Variants in DNAAF5 observed in about 807,000 individuals in gnomAD.
DNAAF5 encodes the protein HEAT repeat containing 2.
In DNAAF5, 64 loss-of-function variants were observed where a neutral mutation model predicts 75.8. The observed-to-expected ratio is 0.84, with a 90% CI of 0.69 to 1.04. The LOEUF is 1.04. Ranked by LOEUF, DNAAF5 falls within the 50% of genes least tolerant of loss-of-function variation. The probability of loss-of-function intolerance (pLI) is 0.00; values close to 1 mark genes in which losing one functional copy is unlikely to be tolerated. For missense variants in DNAAF5, 1,269 were observed against 1,178.5 expected (o/e 1.08, Z -1.12); for synonymous variants, 657 against 557.2 (o/e 1.18, Z -2.52).
chr7:776,042 A>G (rs1241197237), intron 11 of DNAAF5, among the ~76,000 whole-genome samples: 1 of 152,206 alleles, frequency 6.6e-6, no homozygotes, highest in African/African-American at 2.4e-5. Flanking sequence ...TTTTATAGAA[A>G]AAAAGCAGAA....
chr7:775,767 C>T (rs1403601787), intron 11 of DNAAF5, among the ~76,000 whole-genome samples: 1 of 152,170 alleles, frequency 6.6e-6, no homozygotes, highest in Non-Finnish European at 1.5e-5. Context: ...AAGGAAGCGT[C>T]GTGTGGACGT....
intron 2 of DNAAF5, among the ~76,000 whole-genome samples, chr7:735,402 C>G (rs907362312): frequency 9.4e-5 from 14 of 148,834 alleles, no homozygotes; most frequent in African/African-American, 3.0e-4. Flanking sequence ...TGGTGTTGTT[C>G]TTCATGGTGT....
At chr7:737,181 C>T (rs7807623) in intron 2 of DNAAF5, among the ~76,000 whole-genome samples, 69,990 of 151,180 alleles carry the variant, frequency 0.46, 16,269 homozygotes, top group African/African-American at 0.49. Context: ...CTGCAACCTC[C>T]GCCTCCCAGG....
intron 6 of DNAAF5, among the ~76,000 whole-genome samples, chr7:759,199 A>G (rs1782572186): frequency 6.6e-6 from 1 of 152,214 alleles, no homozygotes; most frequent in Non-Finnish European, 1.5e-5. Context: ...GTCTTTCAAG[A>G]ACAAACCGAA....
At chr7:774,909 CCCT>C in intron 10 of DNAAF5, 94 bp from the exon 11 acceptor site, 1 of 1,043,742 alleles carries the variant, frequency 9.6e-7, no homozygotes, top group Non-Finnish European at 1.5e-6. Flanking sequence ...CTTTCAAGCC[CCCT>C]AAGTCCTTCC....
rs115860623 is a variant in DNAAF5 at position 768,796 on chromosome 7, G to A, written c.1784-1675G>A. On this transcript the variant is annotated intron_variant, in intron 8 of 12. Transcript: ENST00000297440. ...TTTTCCCATCCCAGGAGTTGGACTT[G>A]ACCTGTGGACATTTGGCTGTTTTCT... 4.0e-3 allele frequency: 975 copies of A among 242,424 alleles called. 12 individuals are homozygous for A. Among genetic ancestry groups the A allele is most frequent in the African/African-American group, 0.02 (920 of 45,736 alleles). The allele number at this position is 242,424 out of a possible 1,614,324, so 15.0% of individuals were successfully genotyped here. A position where few individuals can be genotyped will look rare whatever the true frequency, so the allele number is the denominator to read the frequency against.
Position 754,687 on chromosome 7 carries a change from A to G in DNAAF5, c.1123A>G (p.Thr375Ala), listed in dbSNP as rs1384472802. The G allele has an allele frequency of 1.2e-6, 2 of 1,613,786 alleles. No individual in the cohort carries two copies. The highest frequency in any genetic ancestry group is 1.1e-5 in the South Asian group (1 of 91,082). The change falls in exon 5 of 13, where the codon ACC becomes GCC. Residue 375 changes from threonine to alanine, a missense_variant. Thr to Ala is a moderately conservative substitution (Grantham distance 58). Transcript: ENST00000297440. This position sits in a 1 kb window ranked among gnomAD's most constrained non-coding sequence, Gnocchi z 4.8. ...CGACATCACCGACTGGGTGGTGGGG[A>G]CCCGAGTGAAGTCGGCACAGCTGCT... ...CHDITDWVVG[T>A]RVKSAQLLPV...
At chr7:767,011 A>G (rs35911516) in intron 8 of DNAAF5, among the ~76,000 whole-genome samples, 130,342 of 152,106 alleles carry the variant, frequency 0.86, 56,013 homozygotes, top group Middle Eastern at 0.92. Context: ...AGGCCGAGGC[A>G]GGCAGATCCC....
chr7:730,780 G>A (rs929646335), intron 2 of DNAAF5, among the ~76,000 whole-genome samples: 2 of 147,072 alleles, frequency 1.4e-5, no homozygotes, highest in African/African-American at 5.1e-5. Flanking sequence ...GAGACACAGG[G>A]GGACCCTTTC....
At chr7:767,098 G>C (rs903194519) in intron 8 of DNAAF5, among the ~76,000 whole-genome samples, 1 of 152,128 alleles carries the variant, frequency 6.6e-6, no homozygotes, top group Admixed American at 6.5e-5. Flanking sequence ...AATTAGCTGG[G>C]TGCGGTGGCG....
rs1452514953 is a variant in DNAAF5 at position 761,723 on chromosome 7, A to G, written c.1471-30A>G. 5.1e-6 allele frequency: 8 copies of G among 1,576,540 alleles called. No homozygotes were observed. The Admixed American group carries it at 7.3e-5, about 14-fold the overall frequency. The stretch of plus-strand genomic sequence containing the variant: ...GTGGGGACACGACCAAATTGTACCA[A>G]GCTCTGACGGTGCTGCCGGTCTCTT... On this transcript the variant is annotated intron_variant, in intron 6 of 12. Transcript: ENST00000297440.
At position 781,232 on chromosome 7, in the gene DNAAF5, T is replaced by G. The variant is rs567069731; in HGVS notation, c.2431+1088T>G. 2.0e-3 allele frequency among the ~76,000 whole-genome samples: 304 copies of G among 152,170 alleles called. 1 individual carries two copies. The highest frequency in any genetic ancestry group is 4.0e-3 in the Non-Finnish European group (271 of 68,030). ...ATCCTTCTGCTCTATCTCCATGAGT[T>G]GAATTATTTTTATTTTTAGTTCCCA... On this transcript the variant is annotated intron_variant, in intron 12 of 12. Transcript: ENST00000297440.
At chr7:762,703 T>G (rs1026472929) in intron 7 of DNAAF5, among the ~76,000 whole-genome samples, 13 of 151,804 alleles carry the variant, frequency 8.6e-5, no homozygotes, top group African/African-American at 3.1e-4. Flanking sequence ...AACTTCTGCC[T>G]CCCAGGTTCA....
intron 4 of DNAAF5, among the ~76,000 whole-genome samples, chr7:745,146 T>G (rs989149155): frequency 6.6e-6 from 1 of 152,186 alleles, no homozygotes; most frequent in African/African-American, 2.4e-5. Context: ...AATGAGGAAA[T>G]GCTGCTCCTT....
At chr7:776,330 C>G (rs1359374583) in intron 11 of DNAAF5, among the ~76,000 whole-genome samples, 1 of 151,358 alleles carries the variant, frequency 6.6e-6, no homozygotes, top group Non-Finnish European at 1.5e-5. Flanking sequence ...AGCCAGACTC[C>G]ATCTCAAAAA....
rs781538110 is a variant in DNAAF5 at position 740,897 on chromosome 7, A to G, written c.859A>G (p.Ile287Val). ...CCGTTACTCCTTCTTCCACAAGCTC[A>G]TCCCTCTGCTGCTCAGTAGCCTCAA... ...RDRYSFFHKLIPLLLSSLNDE... is the reference protein window; with the variant it reads ...RDRYSFFHKLVPLLLSSLNDE... Residue 287 changes from isoleucine to valine, a missense_variant, in exon 3 of 13, where the codon ATC becomes GTC. Transcript: ENST00000297440. 12 of 1,613,772 alleles carry G rather than the reference A, an allele frequency of 7.4e-6. No homozygotes were observed. Among genetic ancestry groups the G allele is most frequent in the Non-Finnish European group, 6.8e-6 (8 of 1,179,894 alleles).
intron 6 of DNAAF5, among the ~76,000 whole-genome samples, chr7:761,489 G>C (rs944311262): frequency 6.6e-6 from 1 of 152,264 alleles, no homozygotes; most frequent in East Asian, 1.9e-4. Context: ...ATGGTGGAAG[G>C]CAAAGGAGGA....
intron 2 of DNAAF5, among the ~76,000 whole-genome samples, chr7:740,279 C>T (rs184894709): frequency 4.6e-5 from 7 of 152,338 alleles, no homozygotes; most frequent in African/African-American, 7.2e-5. Context: ...CAGAGGCCCT[C>T]GTGCCCCCTC....
In DNAAF5 at chr7:785,662, G is replaced by T; in HGVS notation, c.*9G>T. 6.2e-7 allele frequency: 1 copy of T among 1,612,156 alleles called. No individual in the cohort carries two copies. The highest frequency in any genetic ancestry group is 8.5e-7 in the Non-Finnish European group (1 of 1,179,722). On this transcript the variant is annotated 3_prime_UTR_variant, in exon 13 of 13. Coordinates refer to ENST00000297440, the MANE Select transcript of DNAAF5 (RefSeq NM_017802.4). ...TGCCAGCCACACAGTGACCACGCTGGTTTCAGCCACGGCACACCCTTGTCC... is the reference window on the plus strand; with the variant it reads ...TGCCAGCCACACAGTGACCACGCTGTTTTCAGCCACGGCACACCCTTGTCC...
Sources: gnomAD v4.1 joint callset for allele counts (sites outside exome capture counted in the v4.1 genomes callset) on GRCh38, gnomAD v4.1.1 for gene constraint, Gnocchi (gnomAD v3.1) non-coding constraint, MANE v1.5 for transcripts, NCBI Gene and HGNC (gene_info 2026-07-23, HGNC 2026-07-21) for gene names.